Variants in PDE4D observed in about 807,000 individuals in gnomAD.
PDE4D encodes phosphodiesterase 4D.
PDE4D carries 24 observed loss-of-function variants against 87.4 expected under a neutral mutation model. That is an observed-to-expected ratio of 0.27 (90% CI 0.20 to 0.39). The LOEUF is 0.39. Among genes scored for constraint, PDE4D ranks in the 10% least tolerant of loss-of-function variants. PDE4D has a pLI of 1.00. For missense variants in PDE4D, 714 were observed against 1,041.0 expected, an observed-to-expected ratio of 0.69 and a Z score of 4.32; for synonymous variants, 384 against 383.2, an observed-to-expected ratio of 1.00 and a Z score of -0.02.
intron 1 of PDE4D, among the ~76,000 whole-genome samples, chr5:59,652,555 G>A (rs576302804): frequency 7.2e-5 from 11 of 152,118 alleles, no homozygotes; most frequent in Admixed American, 1.3e-4. Flanking sequence ...AGCTAATATT[G>A]ATATCAATTT....
At chr5:59,665,856 C>T (rs1745995229) in intron 1 of PDE4D, among the ~76,000 whole-genome samples, 1 of 152,160 alleles carries the variant, frequency 6.6e-6, no homozygotes, top group Admixed American at 6.5e-5. Context: ...ATTAATGAAC[C>T]AGAAACCTGG....
At chr5:60,051,522 G>A (rs1321158375) in intron 2 of PDE4D, among the ~76,000 whole-genome samples, 1 of 152,112 alleles carries the variant, frequency 6.6e-6, no homozygotes, top group Non-Finnish European at 1.5e-5. Flanking sequence ...AGAATCTCTA[G>A]GACACAGCTA....
At chr5:59,498,723 A>T (rs1174444959) in intron 1 of PDE4D, among the ~76,000 whole-genome samples, 1 of 152,108 alleles carries the variant, frequency 6.6e-6, no homozygotes, top group African/African-American at 2.4e-5. Flanking sequence ...TTCAATAAGA[A>T]GACTTAACTA....
chr5:59,839,499 G>A (rs1742661629), intron 1 of PDE4D, among the ~76,000 whole-genome samples: 1 of 151,248 alleles, frequency 6.6e-6, no homozygotes, highest in Admixed American at 6.6e-5. Context: ...TTTTGCTTTT[G>A]GAGGAAAGCT....
At chr5:59,567,443 C>A (rs543691693) in intron 1 of PDE4D, among the ~76,000 whole-genome samples, 7 of 152,222 alleles carry the variant, frequency 4.6e-5, no homozygotes, top group Middle Eastern at 3.4e-3. Context: ...GGAGAGTATG[C>A]TGATTAGAAA....
intron 3 of PDE4D, among the ~76,000 whole-genome samples, chr5:59,911,640 C>T (rs12697181): frequency 0.65 from 98,790 of 151,990 alleles, 34,438 homozygotes; most frequent in African/African-American, 0.91. Flanking sequence ...AATGAACCCA[C>T]TGGGCAGTTA....
chr5:59,016,700 T>C (rs1754075024), intron 6 of PDE4D, among the ~76,000 whole-genome samples: 1 of 152,132 alleles, frequency 6.6e-6, no homozygotes, highest in Admixed American at 6.6e-5. Flanking sequence ...CAAACGAAAA[T>C]ACCAGGGTTC....
intron 2 of PDE4D, among the ~76,000 whole-genome samples, chr5:60,153,725 A>G (rs1050319154): frequency 6.6e-6 from 1 of 152,192 alleles, no homozygotes; most frequent in Non-Finnish European, 1.5e-5. Context: ...AACACGTTTG[A>G]ACCTAGAGGA....
chr5:60,513,605 T>C (rs1356808768), intron 1 of PDE4D, among the ~76,000 whole-genome samples: 1 of 152,006 alleles, frequency 6.6e-6, no homozygotes, highest in African/African-American at 2.4e-5. Context: ...GCCCTAGTAA[T>C]GGCAGAATTC....
At chr5:60,308,164 C>T (rs1754674822) in intron 1 of PDE4D, among the ~76,000 whole-genome samples, 3 of 152,184 alleles carry the variant, frequency 2.0e-5, no homozygotes, top group African/African-American at 7.2e-5. Flanking sequence ...TATATAGTCT[C>T]ATAAAATGCC....
At chr5:59,718,002 C>T (rs1481277088) in intron 1 of PDE4D, among the ~76,000 whole-genome samples, 5 of 152,168 alleles carry the variant, frequency 3.3e-5, no homozygotes, top group Non-Finnish European at 7.4e-5. Context: ...TTCCCATAAC[C>T]CACTCTGATT....
chr5:59,594,957 G>T (rs973988621), intron 1 of PDE4D, among the ~76,000 whole-genome samples: 1 of 152,052 alleles, frequency 6.6e-6, no homozygotes, highest in Non-Finnish European at 1.5e-5. Flanking sequence ...ATTGATAATG[G>T]GGTGGCTATG....
rs184772041 is a variant in PDE4D, at chr5:59,735,360, C to A, written c.455+157808G>T. Among the ~76,000 whole-genome samples the A allele has an allele frequency of 5.5e-4, 84 of 152,208 alleles. No homozygotes were observed. The East Asian group carries it at 0.016, about 29-fold the overall frequency. On this transcript the variant is annotated intron_variant, in intron 1 of 14. Transcript: ENST00000340635. ...TTAATTGTATTCAGGCAATCTGCAGCCCAAAGTTTGAGTTCTAAATTATTC... is the reference window on the plus strand; with the variant it reads ...TTAATTGTATTCAGGCAATCTGCAGACCAAAGTTTGAGTTCTAAATTATTC...
chr5:59,929,201 C>T (rs1043498422), intron 3 of PDE4D, among the ~76,000 whole-genome samples: 2 of 152,086 alleles, frequency 1.3e-5, no homozygotes, highest in African/African-American at 4.8e-5. Flanking sequence ...TACATGTCAT[C>T]CATACTAGTT....
At chr5:59,275,795 G>A (rs1054042935) in intron 1 of PDE4D, 57 of 989,160 alleles carry the variant, frequency 5.8e-5, no homozygotes, top group Admixed American at 6.1e-5. Context: ...TCTGACACTC[G>A]AAGAGCGCAG....
intron 1 of PDE4D, among the ~76,000 whole-genome samples, chr5:60,236,163 G>T (rs1746404431): frequency 6.8e-6 from 1 of 147,450 alleles, no homozygotes; most frequent in Non-Finnish European, 1.5e-5. Flanking sequence ...GGAGAAAAAT[G>T]TTAGGACTTA....
rs1044224602 is a variant in PDE4D at position 59,263,324 on chromosome 5, T to C, written c.456-47356A>G. Among the ~76,000 whole-genome samples, 10 of 151,800 alleles carry C rather than the reference T, an allele frequency of 6.6e-5. No homozygotes were observed. The Admixed American group carries it at 6.6e-4, about 10-fold the overall frequency. The stretch of plus-strand genomic sequence containing the variant: ...AAAACATGCTCACAGGAGAGGTACG[T>C]GAGACAGAAGACAATAATTGTAATC... On this transcript the variant is annotated intron_variant, in intron 1 of 14. Transcript: ENST00000340635.
At chr5:60,435,124 T>C (rs1250144397) in intron 1 of PDE4D, among the ~76,000 whole-genome samples, 1 of 149,146 alleles carries the variant, frequency 6.7e-6, no homozygotes, top group African/African-American at 2.5e-5. Flanking sequence ...CCTTTATGTC[T>C]GCAATGTAAA....
chr5:59,165,096 T>C (rs1781727869), intron 5 of PDE4D: 1 of 152,042 alleles, frequency 6.6e-6, no homozygotes, highest in Admixed American at 6.5e-5. Flanking sequence ...GAGAAATAAA[T>C]TAATAAAATA....
Sources: gnomAD v4.1 joint callset for allele counts (sites outside exome capture counted in the v4.1 genomes callset) on GRCh38, gnomAD v4.1.1 for gene constraint, MANE v1.5 for transcripts, NCBI Gene and HGNC (gene_info 2026-07-23, HGNC 2026-07-21) for gene names.